The following DLG2 variants were observed in gnomAD, a reference collection of about 807,000 sequenced individuals.
The protein encoded by DLG2 is disks large homolog 2.
In DLG2, 45 loss-of-function variants were observed where a neutral mutation model predicts 132.5. The observed-to-expected ratio is 0.34, with a 90% CI of 0.27 to 0.44. DLG2 has a LOEUF of 0.44. Ranked by LOEUF, DLG2 falls within the 20% of genes least tolerant of loss-of-function variation. The pLI is 1.00. For missense variants in DLG2, 1,045 were observed against 1,196.9 expected, an observed-to-expected ratio of 0.87 and a Z score of 1.87; for synonymous variants, 424 against 419.6, an observed-to-expected ratio of 1.01 and a Z score of -0.13.
At chr11:84,287,960 A>T (rs2097930043) in intron 7 of DLG2, among the ~76,000 whole-genome samples, 1 of 106,752 alleles carries the variant, frequency 9.4e-6, no homozygotes, top group African/African-American at 3.6e-5. Flanking sequence ...AGTTTGGATT[A>T]AAAAAATAGT....
intron 3 of DLG2, among the ~76,000 whole-genome samples, chr11:85,420,158 G>A (rs1179430041): frequency 6.6e-6 from 1 of 152,156 alleles, no homozygotes; most frequent in East Asian, 1.9e-4. Flanking sequence ...ATTCCTTTCT[G>A]TTTTTTAGTT....
chr11:84,180,624 A>G (rs2096092173), intron 8 of DLG2, among the ~76,000 whole-genome samples: 1 of 152,134 alleles, frequency 6.6e-6, no homozygotes, highest in Non-Finnish European at 1.5e-5. Context: ...TAGGCATACC[A>G]TATTCAAACT....
chr11:85,004,006 T>C (rs1384275748), intron 6 of DLG2, among the ~76,000 whole-genome samples: 2 of 152,154 alleles, frequency 1.3e-5, no homozygotes, highest in East Asian at 3.9e-4. Flanking sequence ...TTGCTGAAAA[T>C]GATGGTTTCC....
intron 6 of DLG2, among the ~76,000 whole-genome samples, chr11:84,700,312 T>C (rs1331646317): frequency 2.0e-5 from 3 of 151,008 alleles, no homozygotes; most frequent in African/African-American, 7.3e-5. Flanking sequence ...TCAGAATACA[T>C]AAATGAATGC....
chr11:85,527,287 T>C (rs992246805), intron 3 of DLG2, among the ~76,000 whole-genome samples: 6 of 151,868 alleles, frequency 4.0e-5, no homozygotes, highest in Admixed American at 2.6e-4. Context: ...TATCGACCCA[T>C]CATCTAGGTT....
At chr11:84,517,204 A>C (rs964658235) in intron 7 of DLG2, among the ~76,000 whole-genome samples, 2 of 151,484 alleles carry the variant, frequency 1.3e-5, no homozygotes, top group Non-Finnish European at 3.0e-5. Flanking sequence ...ATAATCAAGG[A>C]AGAGGCAACC....
At chr11:83,874,389 C>A in intron 16 of DLG2, 31 bp downstream of exon 16, 2 of 1,490,344 alleles carry the variant, frequency 1.3e-6, no homozygotes, top group South Asian at 2.7e-5. Context: ...CAAGGCTGCA[C>A]AGTTTAAGAG....
At chr11:83,895,237 G>A (rs1308005329) in intron 15 of DLG2, among the ~76,000 whole-genome samples, 3 of 136,796 alleles carry the variant, frequency 2.2e-5, no homozygotes, top group East Asian at 5.0e-4. Context: ...TCAGCTCACC[G>A]CAACCTCCGC....
chr11:83,979,776 C>G (rs1050004063), intron 12 of DLG2, among the ~76,000 whole-genome samples: 16 of 152,128 alleles, frequency 1.1e-4, no homozygotes, highest in Admixed American at 1.0e-3. Flanking sequence ...GCACAAAGGA[C>G]TGTGGAAATA....
chr11:83,911,218 A>T (rs1441691059), intron 15 of DLG2, among the ~76,000 whole-genome samples: 1 of 152,112 alleles, frequency 6.6e-6, no homozygotes, highest in Non-Finnish European at 1.5e-5. Flanking sequence ...CAGAGAGAGG[A>T]AGGAACAGGG....
At chr11:84,704,936 T>TTA (rs1211888327) in intron 6 of DLG2, among the ~76,000 whole-genome samples, 2 of 148,240 alleles carry the variant, frequency 1.3e-5, no homozygotes, top group South Asian at 2.1e-4. Context: ...CACATATATA[T>TTA]TATATATATA....
intron 6 of DLG2, among the ~76,000 whole-genome samples, chr11:84,864,471 T>C (rs557385030): frequency 7.4e-4 from 113 of 152,334 alleles, no homozygotes; most frequent in African/African-American, 2.6e-3. Context: ...TGTTGGATTC[T>C]ACATCAAATA....
chr11:85,198,953 A>G, intron 4 of DLG2, among the ~76,000 whole-genome samples: 1 of 152,126 alleles, frequency 6.6e-6, no homozygotes, highest in South Asian at 2.1e-4. Flanking sequence ...GTTATCTTCA[A>G]GTTTCAGGTC....
intron 18 of DLG2, among the ~76,000 whole-genome samples, chr11:83,648,831 G>A (rs753944103): frequency 6.6e-6 from 1 of 152,084 alleles, no homozygotes; most frequent in Non-Finnish European, 1.5e-5. Context: ...ATTGGGAAAA[G>A]GCAGGGTGGA....
At chr11:84,762,815 A>C (rs2067825310) in intron 6 of DLG2, among the ~76,000 whole-genome samples, 1 of 152,172 alleles carries the variant, frequency 6.6e-6, no homozygotes, top group African/African-American at 2.4e-5. Context: ...GTGAGGATCT[A>C]AGAGTAAGTG....
intron 6 of DLG2, among the ~76,000 whole-genome samples, chr11:84,950,411 C>T (rs2154102348): frequency 6.6e-6 from 1 of 152,232 alleles, no homozygotes; most frequent in Non-Finnish European, 1.5e-5. Flanking sequence ...AGATATAACA[C>T]AGATCTATTC....
intron 6 of DLG2, among the ~76,000 whole-genome samples, chr11:84,725,702 T>G (rs1461368531): frequency 6.6e-6 from 1 of 152,268 alleles, no homozygotes; most frequent in East Asian, 1.9e-4. Flanking sequence ...AAGCTACCAT[T>G]TCTTGTTCCG....
In DLG2 at chr11:83,575,272, T is replaced by C. The variant is rs79767375; in HGVS notation, c.1941-33414A>G. On this transcript the variant is annotated intron_variant, in intron 19 of 27. Coordinates refer to ENST00000376104, the MANE Select transcript of DLG2 (RefSeq NM_001142699.3). ...TCAGACAATGAAGGACAAGAATCTTTAGTAGATGGGAAACAAATGAGGTAA... is the reference window on the plus strand; with the variant it reads ...TCAGACAATGAAGGACAAGAATCTTCAGTAGATGGGAAACAAATGAGGTAA... Among the ~76,000 whole-genome samples the C allele has an allele frequency of 3.6e-4, 55 of 152,250 alleles. No individual in the cohort carries two copies. In the East Asian group the frequency reaches 0.01, roughly 28 times the overall value.
At chr11:85,342,634 A>T (rs2082576707) in intron 3 of DLG2, among the ~76,000 whole-genome samples, 1 of 152,210 alleles carries the variant, frequency 6.6e-6, no homozygotes, top group African/African-American at 2.4e-5. Flanking sequence ...TATTATCATT[A>T]TCAAGTATTA....
Sources: allele counts gnomAD v4.1 joint callset (sites outside exome capture counted in the v4.1 genomes callset), GRCh38; gene constraint gnomAD v4.1.1; transcripts MANE v1.5; gene names NCBI Gene and HGNC (gene_info 2026-07-23, HGNC 2026-07-21).